Variants in ZNF875 observed in about 807,000 individuals in gnomAD.
ZNF875 encodes HKR1, GLI-Kruppel zinc finger family member.
In ZNF875, 14 loss-of-function variants were observed where a neutral mutation model predicts 11.2. That is an observed-to-expected ratio of 1.26 (90% CI 0.83 to 1.96). The LOEUF (loss-of-function observed/expected upper bound fraction) is 1.96. Among genes scored for constraint, ZNF875 ranks in the 30% most tolerant of loss-of-function variants. The probability of loss-of-function intolerance (pLI) is 0.00; values close to 1 mark genes in which losing one functional copy is unlikely to be tolerated. For missense variants in ZNF875, 752 were observed against 760.4 expected, an observed-to-expected ratio of 0.99 and a Z score of 0.13; for synonymous variants, 301 against 281.1, an observed-to-expected ratio of 1.07 and a Z score of -0.71.
upstream of ZNF875, chr19:37,313,019 C>T (rs976604159): frequency 7.2e-5 from 11 of 152,106 alleles, no homozygotes; most frequent in African/African-American, 2.4e-4. Flanking sequence ...TGCACACCAC[C>T]GTGTGGACAC....
chr19:37,314,874 T>G (rs1234081208), upstream of ZNF875: 1 of 152,158 alleles, frequency 6.6e-6, no homozygotes, highest in Non-Finnish European at 1.5e-5. Flanking sequence ...ACTATTTTTT[T>G]TTGAAGTTTT....
At chr19:37,341,599 C>T (rs578041484) in intron 2 of ZNF875, among the ~76,000 whole-genome samples, 4 of 152,164 alleles carry the variant, frequency 2.6e-5, no homozygotes, top group Middle Eastern at 3.4e-3. Flanking sequence ...AGTCCAGAGT[C>T]GTCATAGAAC....
intron 2 of ZNF875, among the ~76,000 whole-genome samples, 171 bp downstream of exon 2, chr19:37,335,428 T>G (rs1290689357): frequency 6.6e-6 from 1 of 152,174 alleles, no homozygotes; most frequent in Non-Finnish European, 1.5e-5. Context: ...CGTCCGATTC[T>G]GTCGCTGTTC....
upstream of ZNF875, among the ~76,000 whole-genome samples, chr19:37,316,097 A>G (rs372317265): frequency 6.6e-6 from 1 of 152,210 alleles, no homozygotes; most frequent in Non-Finnish European, 1.5e-5. Context: ...TCTGGTTGCT[A>G]ATGGAAACCT....
intron 2 of ZNF875, 165 bp from the exon 3 acceptor site, chr19:37,347,025 C>T (rs1488119277): frequency 2.7e-6 from 2 of 734,348 alleles, no homozygotes; most frequent in Non-Finnish European, 4.6e-6. Flanking sequence ...CCATATTGGT[C>T]AGGCTGATCT....
intron 4 of ZNF875, among the ~76,000 whole-genome samples, chr19:37,348,310 T>C (rs2037218693): frequency 6.6e-6 from 1 of 152,190 alleles, no homozygotes; most frequent in African/African-American, 2.4e-5. Context: ...TACATACTCA[T>C]GTGCCAATGT....
chr19:37,313,204 C>T (rs1476361543), upstream of ZNF875: 1 of 146,656 alleles, frequency 6.8e-6, no homozygotes, highest in Non-Finnish European at 1.5e-5. Flanking sequence ...AAGACAACCC[C>T]GCCCCCCGCG....
intron 2 of ZNF875, among the ~76,000 whole-genome samples, chr19:37,338,355 T>A (rs1052162594): frequency 1.3e-5 from 2 of 152,176 alleles, no homozygotes; most frequent in Non-Finnish European, 2.9e-5. Flanking sequence ...ACTCCTGACC[T>A]CAGGTGTTCC....
upstream of ZNF875, among the ~76,000 whole-genome samples, chr19:37,334,071 C>G (rs892002763): frequency 3.3e-5 from 5 of 152,156 alleles, no homozygotes; most frequent in Admixed American, 6.5e-5. Context: ...CCCTAAAATC[C>G]TAGGGACACG....
intron 2 of ZNF875, among the ~76,000 whole-genome samples, chr19:37,339,583 G>A (rs905465442): frequency 1.5e-4 from 17 of 116,380 alleles, no homozygotes; most frequent in Admixed American, 5.9e-4. Context: ...GTCTCGCTCT[G>A]TCACTCTGTC....
At chr19:37,341,920 A>G (rs973427602) in intron 2 of ZNF875, among the ~76,000 whole-genome samples, 6 of 152,246 alleles carry the variant, frequency 3.9e-5, no homozygotes, top group African/African-American at 1.4e-4. Flanking sequence ...CAGAAAGGAC[A>G]GGAATTAAGC....
chr19:37,320,410 C>G (rs2031180031), intron 1 of ZNF875, among the ~76,000 whole-genome samples: 1 of 152,226 alleles, frequency 6.6e-6, no homozygotes. Flanking sequence ...TTCCCAATGA[C>G]AATTCCAAAT....
upstream of ZNF875, chr19:37,315,424 G>C (rs1421096090): frequency 6.6e-6 from 1 of 152,202 alleles, no homozygotes; most frequent in Non-Finnish European, 1.5e-5. Flanking sequence ...CTGTGTTTGG[G>C]AACAGTCACA....
At position 37,364,439 on chromosome 19, in the gene ZNF875, C is replaced by G. The variant is rs978350940; in HGVS notation, c.*664C>G. On this transcript the variant is annotated 3_prime_UTR_variant, in exon 5 of 5. Coordinates refer to ENST00000392153, the MANE Select transcript of ZNF875 (RefSeq NM_001353803.2). ...TTTGCTCAATAAAATTCTTTTCTACCCATCCTCACCCTTCAATTGTCAGTG... is the reference window on the plus strand; with the variant it reads ...TTTGCTCAATAAAATTCTTTTCTACGCATCCTCACCCTTCAATTGTCAGTG... 6.6e-6 allele frequency: 1 copy of G among 152,522 alleles called. No individual in the cohort carries two copies. Among genetic ancestry groups the G allele is most frequent in the African/African-American group, 2.4e-5 (1 of 41,412 alleles). 9.4% of individuals were successfully genotyped at this position (152,522 alleles called of 1,614,324 possible). A position where few individuals can be genotyped will look rare whatever the true frequency, so the allele number is the denominator to read the frequency against.
In ZNF875 at chr19:37,322,549, T is replaced by G. The variant is rs374223094; in HGVS notation, c.-699+317T>G. On this transcript the variant is annotated intron_variant, in intron 2 of 5. Transcript: ENST00000544914. ...AGCATTCAGTATATGCCTGGGACTCTGGCTTTATTTATTAGCTTTCTGATG... is the reference window on the plus strand; with the variant it reads ...AGCATTCAGTATATGCCTGGGACTCGGGCTTTATTTATTAGCTTTCTGATG... Among the ~76,000 whole-genome samples, 3 of 152,348 alleles carry G rather than the reference T, an allele frequency of 2.0e-5. No homozygotes were observed. The South Asian group carries it at 6.2e-4, about 32-fold the overall frequency.
intron 1 of ZNF875, 119 bp from the exon 2 acceptor site, chr19:37,335,050 C>T (rs1001434828): frequency 3.4e-6 from 2 of 583,466 alleles, no homozygotes; most frequent in Admixed American, 5.3e-5. Flanking sequence ...GAATTGGCTG[C>T]TCTGGTGATT....
intron 2 of ZNF875, among the ~76,000 whole-genome samples, chr19:37,342,980 CAT>C (rs1377257708): frequency 6.6e-6 from 1 of 152,150 alleles, no homozygotes; most frequent in Non-Finnish European, 1.5e-5. Flanking sequence ...GCTAATGCCA[CAT>C]GTTTTAGGTA....
intron 2 of ZNF875, among the ~76,000 whole-genome samples, chr19:37,342,464 G>A (rs1236333190): frequency 1.3e-5 from 2 of 149,202 alleles, no homozygotes; most frequent in African/African-American, 2.5e-5. Context: ...CCAGGCTGGA[G>A]TGCAATGGAG....
chr19:37,354,831 T>C (rs141565027), intron 4 of ZNF875, among the ~76,000 whole-genome samples: 279 of 152,294 alleles, frequency 1.8e-3, no homozygotes, highest in Non-Finnish European at 3.0e-3. Context: ...TTTGGCCTCT[T>C]TGCATGCACT....
Sources: allele counts gnomAD v4.1 joint callset (sites outside exome capture counted in the v4.1 genomes callset), GRCh38; gene constraint gnomAD v4.1.1; transcripts MANE v1.5; gene names NCBI Gene and HGNC (gene_info 2026-07-23, HGNC 2026-07-21).